Variants in EBF1 observed in about 807,000 individuals in gnomAD.
EBF1 encodes the protein transcription factor COE1.
In EBF1, 10 loss-of-function variants were observed where a neutral mutation model predicts 68.4. That is an observed-to-expected ratio of 0.15 (90% CI 0.09 to 0.25). The LOEUF (loss-of-function observed/expected upper bound fraction) is 0.25. Ranked by LOEUF, EBF1 falls within the 10% of genes least tolerant of loss-of-function variation. The pLI is 1.00. For synonymous variants in EBF1, 298 were observed against 299.8 expected (o/e 0.99, Z 0.06); for missense variants, 509 against 794.4 (o/e 0.64, Z 4.32).
intron 8 of EBF1, among the ~76,000 whole-genome samples, chr5:158,818,521 A>T (rs888946864): frequency 2.6e-5 from 4 of 152,178 alleles, no homozygotes; most frequent in Non-Finnish European, 2.9e-5. Context: ...GGTGGTGAAC[A>T]CCTGACTCTA....
At chr5:158,993,432 G>T (rs989460488) in intron 6 of EBF1, among the ~76,000 whole-genome samples, 1 of 152,114 alleles carries the variant, frequency 6.6e-6, no homozygotes, top group African/African-American at 2.4e-5. Context: ...TGAATCGATG[G>T]ATTATCAAGG....
intron 6 of EBF1, among the ~76,000 whole-genome samples, chr5:158,894,016 G>A (rs1294892012): frequency 6.6e-6 from 1 of 152,158 alleles, no homozygotes; most frequent in Non-Finnish European, 1.5e-5. Context: ...ATTAAAAAAG[G>A]AGGGAAGTGA....
At chr5:158,739,614 T>C (rs1765881190) in intron 10 of EBF1, among the ~76,000 whole-genome samples, 1 of 152,184 alleles carries the variant, frequency 6.6e-6, no homozygotes. Context: ...TAATTTCCAC[T>C]TTGTAATGGA....
At chr5:158,936,012 G>A (rs989763949) in intron 6 of EBF1, among the ~76,000 whole-genome samples, 6 of 152,158 alleles carry the variant, frequency 3.9e-5, no homozygotes, top group Admixed American at 1.3e-4. Flanking sequence ...TACTGGATTA[G>A]AAAATATTTT....
intron 10 of EBF1, among the ~76,000 whole-genome samples, chr5:158,745,469 C>T (rs1246165707): frequency 6.6e-6 from 1 of 152,158 alleles, no homozygotes; most frequent in East Asian, 1.9e-4. Context: ...AACCCACCCA[C>T]CTAAGCCAGG....
At chr5:159,090,842 T>A (rs1171272843) in intron 4 of EBF1, among the ~76,000 whole-genome samples, 1 of 133,976 alleles carries the variant, frequency 7.5e-6, no homozygotes, top group African/African-American at 2.7e-5. Flanking sequence ...TAAAAGCATC[T>A]AATTTATTAA....
intron 9 of EBF1, among the ~76,000 whole-genome samples, chr5:158,788,497 C>T (rs1164992643): frequency 6.6e-6 from 1 of 152,020 alleles, no homozygotes; most frequent in Non-Finnish European, 1.5e-5. Context: ...AGGTTGGAGT[C>T]AAGGTGGTGT....
intron 8 of EBF1, among the ~76,000 whole-genome samples, chr5:158,808,614 A>G (rs1183867885): frequency 1.3e-5 from 2 of 152,134 alleles, no homozygotes; most frequent in African/African-American, 4.8e-5. Flanking sequence ...ATTGAGGACA[A>G]TAATTATAAG....
chr5:159,098,106 T>C (rs1232709218), intron 1 of EBF1, among the ~76,000 whole-genome samples: 9 of 152,230 alleles, frequency 5.9e-5, no homozygotes, highest in African/African-American at 2.2e-4. Context: ...GATGATGTAA[T>C]TAGTCATCTT....
intron 6 of EBF1, among the ~76,000 whole-genome samples, chr5:159,010,772 T>C (rs1764497091): frequency 6.6e-6 from 1 of 152,222 alleles, no homozygotes; most frequent in Non-Finnish European, 1.5e-5. Flanking sequence ...AGGCTGGACC[T>C]GTACAGCAAG....
At chr5:158,881,409 G>T (rs180754899) in intron 6 of EBF1, among the ~76,000 whole-genome samples, 1 of 152,140 alleles carries the variant, frequency 6.6e-6, no homozygotes, top group Admixed American at 6.6e-5. Flanking sequence ...TTTTAGCAAC[G>T]CAGTGTAAAT....
At chr5:158,847,024 G>A (rs1157269919) in intron 6 of EBF1, among the ~76,000 whole-genome samples, 1 of 152,172 alleles carries the variant, frequency 6.6e-6, no homozygotes, top group South Asian at 2.1e-4. Flanking sequence ...GGGGATCCCA[G>A]GGGGAGAGCA....
intron 6 of EBF1, among the ~76,000 whole-genome samples, chr5:158,856,077 G>C (rs1793943472): frequency 6.6e-6 from 1 of 152,186 alleles, no homozygotes; most frequent in Non-Finnish European, 1.5e-5. Flanking sequence ...CTACAGGCAG[G>C]TATAGCAGGC....
intron 11 of EBF1, among the ~76,000 whole-genome samples, chr5:158,716,096 G>T (rs994148886): frequency 6.6e-6 from 1 of 152,130 alleles, no homozygotes; most frequent in African/African-American, 2.4e-5. Context: ...AGGACTTAGA[G>T]CAGTGTACCT....
chr5:159,080,773 A>C (rs959126906), intron 5 of EBF1, among the ~76,000 whole-genome samples: 3 of 152,216 alleles, frequency 2.0e-5, no homozygotes, highest in East Asian at 1.9e-4. Context: ...ATTATCCTCT[A>C]TTTCAGAAAT....
intron 6 of EBF1, among the ~76,000 whole-genome samples, chr5:158,938,284 C>G (rs1561565324): frequency 6.6e-6 from 1 of 152,196 alleles, no homozygotes; most frequent in Non-Finnish European, 1.5e-5. Context: ...GACATGAACC[C>G]TAGTGCCTTC....
chr5:158,833,810 G>A (rs1349571067), intron 7 of EBF1, among the ~76,000 whole-genome samples: 3 of 152,164 alleles, frequency 2.0e-5, no homozygotes, highest in Non-Finnish European at 4.4e-5. Flanking sequence ...GATATTATAT[G>A]TTCTATTTGT....
chr5:159,007,116 GT>G (rs1763721972), intron 6 of EBF1, among the ~76,000 whole-genome samples: 1 of 152,058 alleles, frequency 6.6e-6, no homozygotes, highest in Non-Finnish European at 1.5e-5. Context: ...TGTCAATACA[GT>G]TTCCTAACAA....
chr5:158,988,749 G>A (rs1441608778), intron 6 of EBF1, among the ~76,000 whole-genome samples: 2 of 152,116 alleles, frequency 1.3e-5, no homozygotes, highest in Non-Finnish European at 2.9e-5. Context: ...AGCCTGTTCA[G>A]GTTGCCCCTA....
Sources: gnomAD v4.1 joint callset for allele counts (sites outside exome capture counted in the v4.1 genomes callset) on GRCh38, gnomAD v4.1.1 for gene constraint, MANE v1.5 for transcripts, NCBI Gene and HGNC (gene_info 2026-07-23, HGNC 2026-07-21) for gene names.